Variants in SH3RF3 observed in about 807,000 individuals in gnomAD.
SH3RF3 encodes the protein SH3 domain containing ring finger 3, also known as E3 ubiquitin-protein ligase SH3RF3.
In SH3RF3, 29 loss-of-function variants were observed where a neutral mutation model predicts 66.3. The observed-to-expected ratio is 0.44, with a 90% confidence interval of 0.33 to 0.60. The LOEUF (loss-of-function observed/expected upper bound fraction) is 0.60, where lower values mean the gene tolerates loss of function less well. Ranked by LOEUF, SH3RF3 falls within the 20% of genes least tolerant of loss-of-function variation. The pLI is 0.04. For synonymous variants in SH3RF3, 583 were observed against 532.0 expected, an observed-to-expected ratio of 1.10 and a Z score of -1.32; for missense variants, 1,194 against 1,190.9, an observed-to-expected ratio of 1.00 and a Z score of -0.04.
At chr2:109,329,527 C>A (rs1405519092) in intron 1 of SH3RF3, among the ~76,000 whole-genome samples, 1 of 152,218 alleles carries the variant, frequency 6.6e-6, no homozygotes, top group Non-Finnish European at 1.5e-5. Context: ...CACATCCCCC[C>A]ATTCTCCCTT....
chr2:109,278,569 A>G (rs1680813954), intron 1 of SH3RF3, among the ~76,000 whole-genome samples: 1 of 152,336 alleles, frequency 6.6e-6, no homozygotes, highest in South Asian at 2.1e-4. Flanking sequence ...CTGCATAGCA[A>G]TGTATCCCAG....
chr2:109,372,517 ACCTGCTCATTTAATC>A, intron 3 of SH3RF3, among the ~76,000 whole-genome samples: 1 of 152,226 alleles, frequency 6.6e-6, no homozygotes, highest in East Asian at 1.9e-4. Flanking sequence ...ACTTGGAAGT[ACCTGCTCATTTAATC>A]TTCTCAGCAA....
chr2:109,444,685 T>C (rs1282866330), intron 7 of SH3RF3, among the ~76,000 whole-genome samples: 1 of 152,052 alleles, frequency 6.6e-6, no homozygotes, highest in Non-Finnish European at 1.5e-5. Flanking sequence ...TAAACCTAGT[T>C]CTAAGGGAGG....
chr2:109,348,759 C>T (rs1457427151), intron 2 of SH3RF3, among the ~76,000 whole-genome samples: 1 of 152,142 alleles, frequency 6.6e-6, no homozygotes, highest in Non-Finnish European at 1.5e-5. Flanking sequence ...CCCCTTCCTC[C>T]TTTCCATCTT....
intron 1 of SH3RF3, among the ~76,000 whole-genome samples, chr2:109,277,457 G>A (rs545264685): frequency 1.3e-5 from 2 of 152,286 alleles, no homozygotes; most frequent in African/African-American, 2.4e-5. Flanking sequence ...AGTATCTCCC[G>A]TGAAGAGTCC....
intron 1 of SH3RF3, among the ~76,000 whole-genome samples, chr2:109,269,778 T>A (rs1044541090): frequency 1.3e-5 from 2 of 151,832 alleles, no homozygotes; most frequent in African/African-American, 4.8e-5. Context: ...CCGGGAGGGG[T>A]GAGGGGAACT....
At chr2:109,363,371 C>T (rs1001941323) in intron 2 of SH3RF3, among the ~76,000 whole-genome samples, 3 of 152,112 alleles carry the variant, frequency 2.0e-5, no homozygotes, top group Non-Finnish European at 2.9e-5. Flanking sequence ...TTTCTCCCTC[C>T]TGTTCCTTGT....
chr2:109,131,535 G>T (rs372903468), intron 1 of SH3RF3, among the ~76,000 whole-genome samples: 19 of 152,144 alleles, frequency 1.2e-4, no homozygotes, highest in Middle Eastern at 3.2e-3. Flanking sequence ...AAAACGCTGG[G>T]ACATTCTGAT....
intron 8 of SH3RF3, among the ~76,000 whole-genome samples, chr2:109,469,597 C>A (rs1266663052): frequency 6.6e-6 from 1 of 151,830 alleles, no homozygotes; most frequent in East Asian, 1.9e-4. Context: ...GGTGGGCTGG[C>A]AATGGGAGCT....
chr2:109,490,608 G>C lies in SH3RF3; in HGVS notation c.2152G>C (p.Glu718Gln). The C allele has an allele frequency of 6.9e-7, 1 of 1,439,306 alleles. No individual in the cohort carries two copies. The highest frequency in any genetic ancestry group is 9.1e-7 in the Non-Finnish European group (1 of 1,094,184). The allele number at this position is 1,439,306 out of a possible 1,614,324, so 89.2% of individuals were successfully genotyped here. A position where few individuals can be genotyped will look rare whatever the true frequency, so the allele number is the denominator to read the frequency against. Residue 718 changes from glutamate (E) to glutamine (Q), a missense_variant, in exon 9 of 10, where the codon GAG (glutamate) becomes CAG (glutamine). Physicochemically the swap from Glu to Gln is conservative, Grantham distance 29 (BLOSUM62 2). Coordinates refer to ENST00000309415, the MANE Select transcript of SH3RF3 (RefSeq NM_001099289.3). ...TCCATCTTGTGTGTCTCCCCAGAAA[G>C]AGAAGAAGAGTGGGCTCCTGAAGCT... ...KLDEKKSEKK[E>Q]KKSGLLKLLA...
In SH3RF3 at chr2:109,271,763, T is replaced by G. The variant is rs1033110191; in HGVS notation, c.574-75911T>G. 2.6e-5 allele frequency among the ~76,000 whole-genome samples: 4 copies of G among 152,384 alleles called. No homozygotes were observed. In the East Asian group the frequency reaches 7.7e-4, roughly 29 times the overall value. ...GTCGTGTGTCCTCAGTATTGGACTT[T>G]TGTGGTATCAGTATTGAGGCCCACA... On this transcript the variant is annotated intron_variant, in intron 1 of 9. Coordinates refer to ENST00000309415, the MANE Select transcript of SH3RF3 (RefSeq NM_001099289.3).
chr2:109,252,953 T>TA (rs1304478556), intron 1 of SH3RF3, among the ~76,000 whole-genome samples: 3 of 152,214 alleles, frequency 2.0e-5, no homozygotes, highest in Non-Finnish European at 4.4e-5. Flanking sequence ...TCAATCACCC[T>TA]ATTCTTCTTG....
chr2:109,197,370 TCA>T (rs1160116421), intron 1 of SH3RF3, among the ~76,000 whole-genome samples: 2 of 152,186 alleles, frequency 1.3e-5, no homozygotes, highest in Non-Finnish European at 2.9e-5. Context: ...CACTTGGACT[TCA>T]GTCTTTCCTC....
intron 3 of SH3RF3, among the ~76,000 whole-genome samples, chr2:109,386,345 G>C (rs1372542345): frequency 6.6e-6 from 1 of 152,184 alleles, no homozygotes; most frequent in East Asian, 1.9e-4. Flanking sequence ...GAAGCAGCAG[G>C]GAAGGTCAGG....
intron 1 of SH3RF3, among the ~76,000 whole-genome samples, chr2:109,308,212 A>G (rs1168397455): frequency 7.7e-6 from 1 of 130,636 alleles, no homozygotes; most frequent in Non-Finnish European, 1.6e-5. Flanking sequence ...TTGGCTGCAT[A>G]AATGTCTTCT....
intron 1 of SH3RF3, among the ~76,000 whole-genome samples, chr2:109,284,978 G>A (rs1446310002): frequency 1.3e-5 from 2 of 152,258 alleles, no homozygotes; most frequent in African/African-American, 4.8e-5. Flanking sequence ...CAGAAGTGAA[G>A]TCAATGTGGG....
At position 109,501,620 on chromosome 2, in the gene SH3RF3, G is replaced by A. The variant is rs560863308; in HGVS notation, c.2598G>A (p.Gln866=). ...ACGGCTGGTACAAGGGGACCCTGCAGCGGAACGGCCGCACAGGCCTCTTCC... is the reference window on the plus strand; with the variant it reads ...ACGGCTGGTACAAGGGGACCCTGCAACGGAACGGCCGCACAGGCCTCTTCC... ...REDGWYKGTL[Q]RNGRTGLFPG... The change falls in exon 10 of 10, where the codon CAG becomes CAA. Residue 866 remains glutamine (Q), a synonymous_variant. Coordinates refer to ENST00000309415, the MANE Select transcript of SH3RF3 (RefSeq NM_001099289.3). The A allele has an allele frequency of 7.7e-6, 6 of 778,588 alleles. No individual in the cohort carries two copies. In the East Asian group the frequency reaches 1.5e-4, roughly 19 times the overall value. 48.2% of individuals were successfully genotyped at this position (778,588 alleles called of 1,614,324 possible). A position where few individuals can be genotyped will look rare whatever the true frequency, so the allele number is the denominator to read the frequency against.
At chr2:109,411,363 C>T (rs532978377) in intron 4 of SH3RF3, among the ~76,000 whole-genome samples, 16 of 152,360 alleles carry the variant, frequency 1.1e-4, no homozygotes, top group African/African-American at 3.6e-4. Flanking sequence ...TTAGCAGTGG[C>T]TGCTCATCTC....
chr2:109,215,061 G>T (rs927609257), intron 1 of SH3RF3, among the ~76,000 whole-genome samples: 1 of 152,192 alleles, frequency 6.6e-6, no homozygotes, highest in African/African-American at 2.4e-5. Flanking sequence ...GCTGTCCATG[G>T]AAAAAATGAG....
Sources: allele counts gnomAD v4.1 joint callset (sites outside exome capture counted in the v4.1 genomes callset), GRCh38; gene constraint gnomAD v4.1.1; transcripts MANE v1.5; gene names NCBI Gene and HGNC (gene_info 2026-07-23, HGNC 2026-07-21).